Variants in ADAMTSL1 observed in about 807,000 individuals in gnomAD.
ADAMTSL1 encodes the protein ADAMTS like 1, also known as ADAMTS-like protein 1.
In ADAMTSL1, 126 loss-of-function variants were observed where a neutral mutation model predicts 201.8. That is an observed-to-expected ratio of 0.62 (90% CI 0.54 to 0.72). The LOEUF (loss-of-function observed/expected upper bound fraction) is 0.72, where lower values mean the gene tolerates loss of function less well. Ranked by LOEUF, ADAMTSL1 falls within the 30% of genes least tolerant of loss-of-function variation. The pLI, the probability that ADAMTSL1 is intolerant of heterozygous loss-of-function variation, is 0.00. For missense variants in ADAMTSL1, 2,679 were observed against 2,277.8 expected (o/e 1.18, Z -3.59); for synonymous variants, 1,121 against 903.4 (o/e 1.24, Z -4.32).
At chr9:18,390,845 C>T (rs1035080711) in intron 2 of ADAMTSL1, among the ~76,000 whole-genome samples, 3 of 151,998 alleles carry the variant, frequency 2.0e-5, no homozygotes, top group African/African-American at 7.2e-5. Context: ...ACAATGAGGA[C>T]CCACAGAATT....
Position 18,909,741 on chromosome 9 carries a change from T to C in ADAMTSL1, c.*1193T>C, listed in dbSNP as rs956548543. On this transcript the variant is annotated 3_prime_UTR_variant, in exon 29 of 29. Transcript: ENST00000380548. ...CGGGGTGGGACAATGGGTTTATGCG[T>C]GTCCACAGTACACCCTCCCTCTCCC... The C allele has an allele frequency of 1.3e-5, 2 of 152,362 alleles. No individual in the cohort carries two copies. Among genetic ancestry groups the C allele is most frequent in the Admixed American group, 1.3e-4 (2 of 15,302 alleles). 9.4% of individuals were successfully genotyped at this position (152,362 alleles called of 1,614,324 possible).
intron 4 of ADAMTSL1, among the ~76,000 whole-genome samples, chr9:18,580,428 G>A (rs1445976150): frequency 6.6e-6 from 1 of 152,184 alleles, no homozygotes; most frequent in African/African-American, 2.4e-5. Context: ...AGGTGATGAT[G>A]TCAGAAATAA....
chr9:18,108,778 T>C (rs1015244157), intron 1 of ADAMTSL1, among the ~76,000 whole-genome samples: 1 of 152,148 alleles, frequency 6.6e-6, no homozygotes, highest in Non-Finnish European at 1.5e-5. Flanking sequence ...TTAGCTCTTT[T>C]TTTTTCTCCT....
At chr9:18,335,853 G>A (rs1274648560) in intron 2 of ADAMTSL1, among the ~76,000 whole-genome samples, 2 of 152,092 alleles carry the variant, frequency 1.3e-5, no homozygotes, top group Non-Finnish European at 1.5e-5. Flanking sequence ...TTGAATGTTT[G>A]CCTAATTGAA....
In ADAMTSL1 at chr9:18,722,833, A is replaced by C. The variant is rs555124366; in HGVS notation, c.2006+1168A>C. ...GAAGCACCCAACCCATGAGAACAGC[A>C]GTCAACAAGATAGAGTCAAAGTCAG... On this transcript the variant is annotated intron_variant, in intron 15 of 28. Transcript: ENST00000380548. 2.0e-5 allele frequency among the ~76,000 whole-genome samples: 3 copies of C among 152,352 alleles called. No homozygotes were observed. In the South Asian group the frequency reaches 6.2e-4, roughly 32 times the overall value.
chr9:18,314,835 C>A (rs1486551176), intron 2 of ADAMTSL1, among the ~76,000 whole-genome samples: 1 of 108,562 alleles, frequency 9.2e-6, no homozygotes, highest in Admixed American at 1.5e-4. Context: ...CTTGCTCTGT[C>A]GCCCAGGCTG....
chr9:18,693,638 C>T (rs1300306755), intron 13 of ADAMTSL1, among the ~76,000 whole-genome samples: 1 of 152,160 alleles, frequency 6.6e-6, no homozygotes, highest in Non-Finnish European at 1.5e-5. Flanking sequence ...AAGCACAGTA[C>T]CAAGTCAATC....
At chr9:18,871,952 C>T (rs1827893861) in intron 23 of ADAMTSL1, among the ~76,000 whole-genome samples, 3 of 152,200 alleles carry the variant, frequency 2.0e-5, no homozygotes, top group South Asian at 4.1e-4. Flanking sequence ...AGATTCTGGC[C>T]TTCAAGGCCC....
chr9:18,304,513 G>A (rs1833832985), intron 2 of ADAMTSL1, among the ~76,000 whole-genome samples: 2 of 151,998 alleles, frequency 1.3e-5, no homozygotes, highest in Non-Finnish European at 2.9e-5. Context: ...AATTAGTGGA[G>A]CAAAGGATTT....
At chr9:18,347,118 C>G (rs562979572) in intron 2 of ADAMTSL1, among the ~76,000 whole-genome samples, 1 of 152,218 alleles carries the variant, frequency 6.6e-6, no homozygotes, top group South Asian at 2.1e-4. Flanking sequence ...GTGCCTTAAT[C>G]TCTTCTTTTC....
chr9:18,557,855 A>T (rs1347843772), intron 3 of ADAMTSL1, among the ~76,000 whole-genome samples: 5 of 151,608 alleles, frequency 3.3e-5, no homozygotes, highest in Admixed American at 3.3e-4. Context: ...TTTTTTTTCT[A>T]TTTAGCATGT....
chr9:17,919,024 TAATA>T (rs1242733693), intron 1 of ADAMTSL1, among the ~76,000 whole-genome samples: 3 of 151,900 alleles, frequency 2.0e-5, no homozygotes, highest in Non-Finnish European at 2.9e-5. Context: ...TTTTTTAATA[TAATA>T]GTTACCTCCA....
At chr9:18,736,549 A>G (rs1043495078) in intron 15 of ADAMTSL1, among the ~76,000 whole-genome samples, 1 of 152,160 alleles carries the variant, frequency 6.6e-6, no homozygotes, top group Admixed American at 6.5e-5. Flanking sequence ...CTAGAAAAGA[A>G]AAAGTGCTGT....
chr9:18,026,619 G>C (rs1820706517), intron 1 of ADAMTSL1, among the ~76,000 whole-genome samples: 1 of 152,070 alleles, frequency 6.6e-6, no homozygotes, highest in Non-Finnish European at 1.5e-5. Context: ...GTATTGTCTT[G>C]AGGATTTTTG....
chr9:18,800,951 T>A (rs1400113855), intron 20 of ADAMTSL1, among the ~76,000 whole-genome samples: 1 of 151,542 alleles, frequency 6.6e-6, no homozygotes, highest in African/African-American at 2.4e-5. Context: ...ATGGTAGTAA[T>A]CTGAGCAACC....
chr9:18,764,463 T>G (rs1361814025), intron 16 of ADAMTSL1, among the ~76,000 whole-genome samples: 1 of 152,240 alleles, frequency 6.6e-6, no homozygotes. Flanking sequence ...ACTTCTTTCT[T>G]TCCAATTTGG....
At chr9:17,954,558 C>G (rs150816358) in intron 1 of ADAMTSL1, among the ~76,000 whole-genome samples, 4 of 152,134 alleles carry the variant, frequency 2.6e-5, no homozygotes, top group African/African-American at 9.7e-5. Flanking sequence ...AGCTCCCAAA[C>G]TTAGTTACTG....
intron 13 of ADAMTSL1, among the ~76,000 whole-genome samples, chr9:18,686,255 TAAGC>T (rs1830832210): frequency 6.6e-6 from 1 of 152,212 alleles, no homozygotes; most frequent in East Asian, 1.9e-4. Context: ...GAAGGATAAT[TAAGC>T]AAACATAAAT....
intron 2 of ADAMTSL1, among the ~76,000 whole-genome samples, chr9:18,403,838 A>C (rs1201092300): frequency 1.3e-5 from 2 of 152,138 alleles, no homozygotes; most frequent in Non-Finnish European, 1.5e-5. Flanking sequence ...TTACCCAAAA[A>C]TATTTTAAAT....
Sources: allele counts gnomAD v4.1 joint callset (sites outside exome capture counted in the v4.1 genomes callset), GRCh38; gene constraint gnomAD v4.1.1; transcripts MANE v1.5; gene names NCBI Gene and HGNC (gene_info 2026-07-23, HGNC 2026-07-21).